The following HOOK3 variants were observed in gnomAD, a reference collection of about 807,000 sequenced individuals.
HOOK3 encodes protein Hook homolog 3.
Under a neutral mutation model 116.3 loss-of-function variants are expected in HOOK3, and 24 were observed. The ratio of observed to expected loss-of-function variants is 0.21; its 90% confidence interval spans 0.15 to 0.29. The LOEUF is 0.29. Among genes scored for constraint, HOOK3 ranks in the 10% least tolerant of loss-of-function variants. The pLI is 1.00. For missense variants in HOOK3, 632 were observed against 830.2 expected, an observed-to-expected ratio of 0.76 and a Z score of 2.93; for synonymous variants, 275 against 283.0, an observed-to-expected ratio of 0.97 and a Z score of 0.28.
At chr8:42,950,207 T>G (rs906920934) in intron 5 of HOOK3, among the ~76,000 whole-genome samples, 181 bp from the exon 6 acceptor site, 1 of 152,162 alleles carries the variant, frequency 6.6e-6, no homozygotes, top group Non-Finnish European at 1.5e-5. Context: ...GAAAAGATCT[T>G]AAGGAAAGAT....
Position 43,023,473 on chromosome 8 carries a change from C to T in HOOK3, c.*4975C>T, listed in dbSNP as rs542686532. 6.0e-6 allele frequency: 1 copy of T among 167,914 alleles called. No individual in the cohort carries two copies. Among genetic ancestry groups the T allele is most frequent in the East Asian group, 1.1e-4 (1 of 8,864 alleles). 10.4% of individuals were successfully genotyped at this position (167,914 alleles called of 1,614,324 possible). ...CTTTTCTCCCTCCTTTCTTCCTTCC[C>T]TTCCCTTCCCCTCCCCTCCCCCAGG... On this transcript the variant is annotated 3_prime_UTR_variant, in exon 22 of 22. Coordinates refer to ENST00000307602, the MANE Select transcript of HOOK3 (RefSeq NM_032410.4).
chr8:43,017,406 A>G (rs1218050626), intron 21 of HOOK3, among the ~76,000 whole-genome samples: 1 of 152,162 alleles, frequency 6.6e-6, no homozygotes, highest in African/African-American at 2.4e-5. Context: ...AGCTGGGACT[A>G]TGGGCATGCC....
intron 15 of HOOK3, among the ~76,000 whole-genome samples, chr8:42,992,208 G>T (rs929864388): frequency 6.6e-6 from 1 of 151,284 alleles, no homozygotes; most frequent in Middle Eastern, 3.4e-3. Context: ...AGACCATCCT[G>T]GCGAACACGG....
At position 42,906,156 on chromosome 8, in the gene HOOK3, T is replaced by G; in HGVS notation, c.58-17T>G. 1.4e-5 allele frequency: 6 copies of G among 435,312 alleles called. No homozygotes were observed. The highest frequency in any genetic ancestry group is 2.1e-5 in the Non-Finnish European group (5 of 242,748). 27.0% of individuals were successfully genotyped at this position (435,312 alleles called of 1,614,324 possible). On this transcript the variant is annotated splice_polypyrimidine_tract_variant and intron_variant, in intron 1 of 21. Transcript: ENST00000307602. ...AACCACAGAATCTCTCCCCCCCCCCTCTTTTTTTCCCTTCAGATCCAGACA... is the reference window on the plus strand; with the variant it reads ...AACCACAGAATCTCTCCCCCCCCCCGCTTTTTTTCCCTTCAGATCCAGACA...
At position 43,010,377 on chromosome 8, in the gene HOOK3, AC is replaced by A; in HGVS notation, c.1812del (p.Tyr604Ter). On this transcript the variant is annotated frameshift_variant, in exon 19 of 22. Transcript: ENST00000307602. LOFTEE classifies it high-confidence loss of function. ...GAAATGAAGCAAATGGAAGAACGAT[AC>A]AAAAAATACTTAGAGAAAGCCAAAA... ...EEEMKQMEER[Y>X]KKYLEKAKSV... 6.8e-7 allele frequency: 1 copy of A among 1,474,814 alleles called. No individual in the cohort carries two copies. Among genetic ancestry groups the A allele is most frequent in the Non-Finnish European group, 9.0e-7 (1 of 1,105,716 alleles). 91.4% of individuals were successfully genotyped at this position (1,474,814 alleles called of 1,614,324 possible).
Position 42,990,325 on chromosome 8 carries a change from C to CTTTTTTTTTTTT in HOOK3, c.1532+3556_1532+3567dup, listed in dbSNP as rs59033055. 1.8e-4 allele frequency among the ~76,000 whole-genome samples: 7 copies of CTTTTTTTTTTTT among 37,902 alleles called. 1 individual carries two copies. The highest frequency in any genetic ancestry group is 3.7e-4 in the Non-Finnish European group (7 of 18,928). 24.9% of individuals were successfully genotyped at this position (37,902 alleles called of 152,430 possible). ...TTGAGAAATAAATATCTGTTTAGAT[C>CTTTTTTTTTTTT]TTTTTTTTTTTTTTTTTTTTTTTTT... On this transcript the variant is annotated intron_variant, in intron 15 of 21. Coordinates refer to ENST00000307602, the MANE Select transcript of HOOK3 (RefSeq NM_032410.4).
At chr8:42,912,526 C>A (rs148659485) in intron 2 of HOOK3, among the ~76,000 whole-genome samples, 2 of 152,222 alleles carry the variant, frequency 1.3e-5, no homozygotes. Flanking sequence ...GGTTGTGCAA[C>A]AATGTGAATG....
At chr8:42,981,030 T>A (rs73627261) in intron 13 of HOOK3, among the ~76,000 whole-genome samples, 7,344 of 151,738 alleles carry the variant, frequency 0.048, 361 homozygotes, top group African/African-American at 0.12. Context: ...TGGACTTCTC[T>A]GCCTCTAGAA....
At chr8:42,922,120 A>G (rs1298596591) in intron 2 of HOOK3, among the ~76,000 whole-genome samples, 2 of 152,238 alleles carry the variant, frequency 1.3e-5, no homozygotes, top group African/African-American at 4.8e-5. Flanking sequence ...AGACCTAAAT[A>G]TAAGAGCTAA....
chr8:42,974,212 G>A lies in HOOK3; in HGVS notation c.1321+18G>A, dbSNP rs746797914. The A allele has an allele frequency of 1.9e-6, 3 of 1,560,560 alleles. No individual in the cohort carries two copies. In the South Asian group the frequency reaches 3.4e-5, roughly 17 times the overall value. The stretch of plus-strand genomic sequence containing the variant: ...AACACAAGGTAAAAACGTTTTGCGA[G>A]TACAAACCAGATGATTTCTTTTTTT... On this transcript the variant is annotated intron_variant, in intron 13 of 21. Coordinates refer to ENST00000307602, the MANE Select transcript of HOOK3 (RefSeq NM_032410.4).
intron 2 of HOOK3, among the ~76,000 whole-genome samples, chr8:42,907,133 T>C (rs1288087709): frequency 1.3e-5 from 2 of 152,232 alleles, no homozygotes; most frequent in Non-Finnish European, 2.9e-5. Context: ...AATTTGCAGA[T>C]ACTTTTATAT....
At chr8:42,988,020 A>C (rs942143607) in intron 15 of HOOK3, among the ~76,000 whole-genome samples, 1 of 152,180 alleles carries the variant, frequency 6.6e-6, no homozygotes, top group Non-Finnish European at 1.5e-5. Flanking sequence ...TTGCTGTGAC[A>C]GTTGTATCCA....
At chr8:42,936,493 T>C (rs1342165946) in intron 4 of HOOK3, among the ~76,000 whole-genome samples, 8 of 152,204 alleles carry the variant, frequency 5.3e-5, no homozygotes, top group Admixed American at 5.2e-4. Flanking sequence ...TGCTTCCAGC[T>C]TTTGCCCATT....
chr8:42,997,713 G>GT (rs1809306253), intron 16 of HOOK3, 76 bp downstream of exon 16: 1 of 847,866 alleles, frequency 1.2e-6, no homozygotes, highest in African/African-American at 1.7e-5. Context: ...TTTATTTGAT[G>GT]TTTTTTGTCA....
At chr8:42,926,581 C>T (rs189497519) in intron 3 of HOOK3, among the ~76,000 whole-genome samples, 16 of 152,280 alleles carry the variant, frequency 1.1e-4, no homozygotes, top group Non-Finnish European at 1.5e-4. Flanking sequence ...CCATCAAGCC[C>T]GGCCTATATT....
chr8:42,958,466 A>G (rs1808474924), intron 7 of HOOK3, among the ~76,000 whole-genome samples: 1 of 152,092 alleles, frequency 6.6e-6, no homozygotes, highest in Admixed American at 6.6e-5. Flanking sequence ...TTGAGAGTAA[A>G]CAAATTTTTT....
Position 42,897,153 on chromosome 8 carries a change from G to A in HOOK3, c.22G>A (p.Glu8Lys). 8.0e-7 allele frequency: 1 copy of A among 1,248,280 alleles called. No individual in the cohort carries two copies. Among genetic ancestry groups the A allele is most frequent in the Non-Finnish European group, 1.0e-6 (1 of 990,964 alleles). 77.3% of individuals were successfully genotyped at this position (1,248,280 alleles called of 1,614,324 possible). ...GAAGATGTTCAGCGTAGAGTCGCTG[G>A]AGCGGGCGGAGCTGTGCGAGAGCCT... is the stretch of plus-strand genomic sequence containing the variant. MFSVESL[E>K]RAELCESLLT... The change falls in exon 1 of 22, where the codon GAG (glutamate) becomes AAG (lysine). Residue 8 changes from glutamate to lysine, a missense_variant. Physicochemically the swap from Glu to Lys is moderately conservative, Grantham distance 56. Transcript: ENST00000307602.
At chr8:42,996,181 T>G (rs1174785050) in intron 15 of HOOK3, among the ~76,000 whole-genome samples, 1 of 151,662 alleles carries the variant, frequency 6.6e-6, no homozygotes, top group African/African-American at 2.4e-5. Flanking sequence ...AGGTCAGGAG[T>G]TCGAGACCAC....
intron 17 of HOOK3, among the ~76,000 whole-genome samples, chr8:43,007,574 G>C (rs1809517241): frequency 1.3e-5 from 2 of 152,158 alleles, no homozygotes; most frequent in African/African-American, 4.8e-5. Flanking sequence ...CCTTTGCAAA[G>C]TTATCTAAAT....
Sources: allele counts gnomAD v4.1 joint callset (sites outside exome capture counted in the v4.1 genomes callset), GRCh38; gene constraint gnomAD v4.1.1; transcripts MANE v1.5; gene names NCBI Gene and HGNC (gene_info 2026-07-23, HGNC 2026-07-21).